Variants in WNT2B observed in about 807,000 individuals in gnomAD.
WNT2B encodes the protein protein Wnt-2b.
A neutral mutation model predicts 40.5 loss-of-function variants in WNT2B; 19 were observed. The observed-to-expected ratio is 0.47, with a 90% CI of 0.33 to 0.69. The LOEUF is 0.69. Ranked by LOEUF, WNT2B falls within the 30% of genes least tolerant of loss-of-function variation. WNT2B has a pLI of 0.02. For synonymous variants in WNT2B, 220 were observed against 211.9 expected, an observed-to-expected ratio of 1.04 and a Z score of -0.33; for missense variants, 467 against 556.4, an observed-to-expected ratio of 0.84 and a Z score of 1.62.
At chr1:112,506,287 C>A (rs768342187), upstream of WNT2B, among the ~76,000 whole-genome samples, 1 of 152,236 alleles carries the variant, frequency 6.6e-6, no homozygotes, top group Non-Finnish European at 1.5e-5. Context: ...GCGTAAGCCA[C>A]CAAGCCTGGG....
At chr1:112,481,588 A>C (rs576518194) in intron 1 of WNT2B, among the ~76,000 whole-genome samples, 47 of 152,372 alleles carry the variant, frequency 3.1e-4, no homozygotes, top group African/African-American at 1.1e-3. Flanking sequence ...CAAACAAAAA[A>C]GAAGTAAACT....
At position 112,526,332 on chromosome 1, in the gene WNT2B, CCTT is replaced by C. The variant is rs1247798925; in HGVS notation, c.*5824_*5826del. 42 of 459,962 alleles carry C rather than the reference CCTT, an allele frequency of 9.1e-5. No homozygotes were observed. The highest frequency in any genetic ancestry group is 6.7e-4 in the African/African-American group (35 of 52,066). The allele number at this position is 459,962 out of a possible 1,614,324, so 28.5% of individuals were successfully genotyped here. A position where few individuals can be genotyped will look rare whatever the true frequency, so the allele number is the denominator to read the frequency against. ...AACAACTCTGGCTCCTAATTCTACT[CCTT>C]TTTTCCCCTTCAGATTAACATTAAA... is the stretch of plus-strand genomic sequence containing the variant. On this transcript the variant is annotated 3_prime_UTR_variant, in exon 5 of 5. Transcript: ENST00000369684.
chr1:112,491,164 C>G, intron 1 of WNT2B: 1 of 1,339,670 alleles, frequency 7.5e-7, no homozygotes, highest in Non-Finnish European at 1.0e-6. Flanking sequence ...AATCCCAGCA[C>G]TTTCAGAGGC....
At chr1:112,512,818 G>T (rs912060957) in intron 1 of WNT2B, among the ~76,000 whole-genome samples, 3 of 152,154 alleles carry the variant, frequency 2.0e-5, no homozygotes, top group African/African-American at 7.2e-5. Flanking sequence ...AACTACAAGG[G>T]GCTGACTACT....
intron 1 of WNT2B, among the ~76,000 whole-genome samples, chr1:112,496,670 G>A (rs1651782738): frequency 6.6e-6 from 1 of 151,000 alleles, no homozygotes; most frequent in Non-Finnish European, 1.5e-5. Context: ...GTATGATCTT[G>A]GCTCACCACA....
chr1:112,505,927 C>T (rs1313290995), upstream of WNT2B, among the ~76,000 whole-genome samples: 1 of 152,190 alleles, frequency 6.6e-6, no homozygotes, highest in African/African-American at 2.4e-5. Flanking sequence ...ACTTCCTTCC[C>T]TCTCAGAGCT....
rs760474944 is a variant in WNT2B, at chr1:112,476,839, G to A, written c.-95+9248G>A. 1.3e-3 allele frequency among the ~76,000 whole-genome samples: 203 copies of A among 152,212 alleles called. 3 individuals are homozygous for A. The highest frequency in any genetic ancestry group is 5.1e-4 in the Non-Finnish European group (35 of 68,006). ...CAGTGGCCAAGATTACCAACTCACC[G>A]TCTCACAATTGCATGTATGCTCTAG... On this transcript the variant is annotated intron_variant, in intron 1 of 4. Transcript: ENST00000256640.
Position 112,521,309 on chromosome 1 carries a change from G to A in WNT2B, c.*800G>A, listed in dbSNP as rs944653187. ...AGTAAGTCTGGCTAGGCCTTGTGTT[G>A]CCTTTTTTTTTTTTTTTTTTTTCTT... is the stretch of plus-strand genomic sequence containing the variant. On this transcript the variant is annotated 3_prime_UTR_variant, in exon 5 of 5. Transcript: ENST00000369684. The A allele has an allele frequency of 1.6e-5, 2 of 121,532 alleles. No homozygotes were observed. Among genetic ancestry groups the A allele is most frequent in the African/African-American group, 6.5e-5 (2 of 30,670 alleles). 7.5% of individuals were successfully genotyped at this position (121,532 alleles called of 1,614,324 possible). A position where few individuals can be genotyped will look rare whatever the true frequency, so the allele number is the denominator to read the frequency against.
rs368752142 is a variant in WNT2B at position 112,467,271 on chromosome 1, G to GGCAT, written c.-413_-410dup. 1,186 of 479,676 alleles carry GGCAT rather than the reference G, an allele frequency of 2.5e-3. 11 individuals carry two copies. The highest frequency in any genetic ancestry group is 0.022 in the African/African-American group (1,105 of 50,680). 29.7% of individuals were successfully genotyped at this position (479,676 alleles called of 1,614,324 possible). On this transcript the variant is annotated 5_prime_UTR_variant, in exon 1 of 5. Transcript: ENST00000256640. ...AGTAAGCAGGAACTCGACAGGAAAG[G>GGCAT]GCATGGTCTGCCCAGGCAAAGAATT...
chr1:112,477,455 C>T (rs936810894), intron 1 of WNT2B, among the ~76,000 whole-genome samples: 2 of 116,398 alleles, frequency 1.7e-5, no homozygotes, highest in Non-Finnish European at 3.5e-5. Context: ...GCAGACATCA[C>T]TACAAGGCTA....
rs773225640 is a variant in WNT2B at position 112,516,274 on chromosome 1, C to A, written c.538C>A (p.Arg180Ser). Reference sequence around the variant, plus strand: ...CACCCGTGGCCGACACCATGACCAGCGTGGGGACTTTGACTGGGGTGGCTG... The same window carrying A: ...CACCCGTGGCCGACACCATGACCAGAGTGGGGACTTTGACTGGGGTGGCTG... ...PYTRGRHHDQ[R>S]GDFDWGGCSD... The change falls in exon 3 of 5, where the codon CGT becomes AGT. Residue 180 changes from arginine to serine, a missense_variant. Arg to Ser is a moderately radical substitution (Grantham distance 110). Transcript: ENST00000369684. The A allele has an allele frequency of 6.2e-7, 1 of 1,613,958 alleles. No individual in the cohort carries two copies. The highest frequency in any genetic ancestry group is 1.3e-5 in the African/African-American group (1 of 74,878).
Position 112,509,415 on chromosome 1 carries a change from G to T in WNT2B, c.153G>T (p.Thr51=), listed in dbSNP as rs754877598. 25 of 1,593,754 alleles carry T rather than the reference G, an allele frequency of 1.6e-5. No individual in the cohort carries two copies. The highest frequency in any genetic ancestry group is 4.5e-4 in the Middle Eastern group (2 of 4,462). ...GCCTTCTGCTCCTGCTGCTGCTGAC[G>T]CTGCCGGCCCGCGTAGACACGTCCT... ...LACLLLLLLL[T]LPARVDTSWW... The change falls in exon 1 of 5, where the codon ACG becomes ACT. Residue 51 remains threonine, a synonymous_variant. Coordinates refer to ENST00000369684, the MANE Select transcript of WNT2B (RefSeq NM_024494.3). The surrounding 1 kb of genome is among the most constrained non-coding windows in gnomAD (Gnocchi z 4.2).
At chr1:112,469,269 G>A (rs563412611) in intron 1 of WNT2B, among the ~76,000 whole-genome samples, 1 of 152,292 alleles carries the variant, frequency 6.6e-6, no homozygotes, top group Middle Eastern at 3.4e-3. Flanking sequence ...AAGATAGTGT[G>A]ATATATCCAC....
At chr1:112,504,983 C>T (rs1032534964), upstream of WNT2B, among the ~76,000 whole-genome samples, 1 of 152,234 alleles carries the variant, frequency 6.6e-6, no homozygotes, top group Admixed American at 6.5e-5. Flanking sequence ...AGCAAAAATT[C>T]AAAATCATTC....
At chr1:112,510,242 T>C (rs1652301871) in intron 1 of WNT2B, among the ~76,000 whole-genome samples, 1 of 152,064 alleles carries the variant, frequency 6.6e-6, no homozygotes, top group Non-Finnish European at 1.5e-5. Flanking sequence ...ATGTCTCGTG[T>C]CTGTTCTTTT....
rs886396821 is a variant in WNT2B at position 112,474,483 on chromosome 1, G to T, written c.-95+6892G>T. ...TTTTAAAACAACCAGAGGAAAAAAAGCTATTACATACAGATGAACAAACAT... is the reference window on the plus strand; with the variant it reads ...TTTTAAAACAACCAGAGGAAAAAAATCTATTACATACAGATGAACAAACAT... On this transcript the variant is annotated intron_variant, in intron 1 of 4. Coordinates refer to the WNT2B transcript ENST00000256640. Among the ~76,000 whole-genome samples the T allele has an allele frequency of 5.9e-5, 9 of 152,276 alleles. 1 individual carries two copies. In the East Asian group the frequency reaches 1.7e-3, roughly 29 times the overall value.
At chr1:112,501,473 T>C (rs1449715371) in intron 1 of WNT2B, among the ~76,000 whole-genome samples, 1 of 152,234 alleles carries the variant, frequency 6.6e-6, no homozygotes, top group Non-Finnish European at 1.5e-5. Context: ...TTTGGGATTC[T>C]GTATAGGAAA....
intron 4 of WNT2B, among the ~76,000 whole-genome samples, chr1:112,519,126 A>G (rs17030426): frequency 0.043 from 6,504 of 152,280 alleles, 498 homozygotes; most frequent in African/African-American, 0.15. Flanking sequence ...ACTAACATAT[A>G]CAGTAGACCT....
chr1:112,490,363 A>G (rs1411962496), intron 1 of WNT2B, among the ~76,000 whole-genome samples: 1 of 152,204 alleles, frequency 6.6e-6, no homozygotes, highest in African/African-American at 2.4e-5. Flanking sequence ...GCTGAGAGAA[A>G]GGCTTCTTAG....
Sources: gnomAD v4.1 joint callset for allele counts (sites outside exome capture counted in the v4.1 genomes callset) on GRCh38, gnomAD v4.1.1 for gene constraint, Gnocchi (gnomAD v3.1) non-coding constraint, MANE v1.5 for transcripts, NCBI Gene and HGNC (gene_info 2026-07-23, HGNC 2026-07-21) for gene names.